The following CADPS2 variants were observed in gnomAD, a reference collection of about 807,000 sequenced individuals.
The protein encoded by CADPS2 is calcium dependent secretion activator 2.
In CADPS2, 93 loss-of-function variants were observed where a neutral mutation model predicts 172.5. The observed-to-expected ratio is 0.54, with a 90% confidence interval of 0.46 to 0.64. The LOEUF is 0.64. Among genes scored for constraint, CADPS2 ranks in the 30% least tolerant of loss-of-function variants. The pLI is 0.00. For missense variants in CADPS2, 1,420 were observed against 1,565.9 expected (o/e 0.91, Z 1.57); for synonymous variants, 546 against 555.2 (o/e 0.98, Z 0.23).
At chr7:122,811,310 G>A (rs1799972330) in intron 1 of CADPS2, among the ~76,000 whole-genome samples, 1 of 152,206 alleles carries the variant, frequency 6.6e-6, no homozygotes, top group Admixed American at 6.5e-5. Flanking sequence ...TGCCTTCCAA[G>A]TTAATCTGGA....
At chr7:122,665,638 T>G (rs1480681912) in intron 2 of CADPS2, among the ~76,000 whole-genome samples, 1 of 152,200 alleles carries the variant, frequency 6.6e-6, no homozygotes, top group Non-Finnish European at 1.5e-5. Flanking sequence ...ATGTAATTTG[T>G]CAAATATTAT....
intron 2 of CADPS2, among the ~76,000 whole-genome samples, chr7:122,674,732 C>CCAA (rs1233965505): frequency 6.6e-6 from 1 of 152,180 alleles, no homozygotes. Context: ...ACATTATCTG[C>CCAA]TTGCCAAATC....
At chr7:122,856,153 T>C (rs1258415788) in intron 1 of CADPS2, among the ~76,000 whole-genome samples, 1 of 152,162 alleles carries the variant, frequency 6.6e-6, no homozygotes, top group Non-Finnish European at 1.5e-5. Context: ...TGCTTTATGA[T>C]GGTGTCACTG....
rs141138236 is a variant in CADPS2, at chr7:122,869,351, C to A, written c.339+16648G>T. ...GCATAAGAAAGTGACTTGTTACATA[C>A]AAAGGAACTTCTATAACACTACTAG... On this transcript the variant is annotated intron_variant, in intron 1 of 29. Transcript: ENST00000449022. Among the ~76,000 whole-genome samples the A allele has an allele frequency of 6.0e-3, 911 of 152,106 alleles. 10 individuals are homozygous for A. The highest frequency in any genetic ancestry group is 0.021 in the African/African-American group (874 of 41,508).
chr7:122,373,020 T>A (rs752223079), intron 25 of CADPS2, among the ~76,000 whole-genome samples: 22 of 152,366 alleles, frequency 1.4e-4, no homozygotes, highest in Non-Finnish European at 2.4e-4. Context: ...TTATGCAAAC[T>A]ACTTTATTCT....
intron 17 of CADPS2, among the ~76,000 whole-genome samples, chr7:122,424,892 T>C (rs1279546630): frequency 6.6e-6 from 1 of 152,212 alleles, no homozygotes; most frequent in African/African-American, 2.4e-5. Context: ...TCTGGATAGC[T>C]CTGGATATAA....
At chr7:122,544,293 G>A (rs1036932236) in intron 8 of CADPS2, among the ~76,000 whole-genome samples, 4 of 152,028 alleles carry the variant, frequency 2.6e-5, no homozygotes, top group African/African-American at 9.7e-5. Flanking sequence ...CATACATCAT[G>A]GGCTAAGGAT....
chr7:122,427,799 G>C (rs1055135424), intron 17 of CADPS2, among the ~76,000 whole-genome samples: 3 of 151,756 alleles, frequency 2.0e-5, no homozygotes, highest in African/African-American at 4.8e-5. Flanking sequence ...AATTTATCAA[G>C]TTCTTTAAAA....
At chr7:122,651,157 G>T (rs2079108844) in intron 3 of CADPS2, among the ~76,000 whole-genome samples, 1 of 151,550 alleles carries the variant, frequency 6.6e-6, no homozygotes, top group African/African-American at 2.4e-5. Flanking sequence ...ATTTTGAAAG[G>T]TATCCAATGT....
At chr7:122,783,876 G>A (rs1403525085) in intron 1 of CADPS2, among the ~76,000 whole-genome samples, 3 of 152,158 alleles carry the variant, frequency 2.0e-5, no homozygotes, top group Admixed American at 6.5e-5. Flanking sequence ...TAAGGATTAG[G>A]ATGCCTTCGA....
chr7:122,388,348 T>C (rs2043941444), intron 23 of CADPS2, among the ~76,000 whole-genome samples: 1 of 151,894 alleles, frequency 6.6e-6, no homozygotes, highest in African/African-American at 2.4e-5. Flanking sequence ...ATTAATATGG[T>C]ATAGATGTTA....
chr7:122,361,147 T>G, intron 25 of CADPS2, 134 bp from the exon 26 acceptor site: 1 of 669,612 alleles, frequency 1.5e-6, no homozygotes, highest in South Asian at 1.9e-5. Flanking sequence ...GAGGTCAGAC[T>G]AACTTGTGAT....
intron 17 of CADPS2, among the ~76,000 whole-genome samples, chr7:122,425,694 C>A (rs897045793): frequency 5.3e-5 from 8 of 152,034 alleles, no homozygotes; most frequent in Non-Finnish European, 1.0e-4. Flanking sequence ...GATGAATAGT[C>A]CCCTCCCTGG....
intron 3 of CADPS2, among the ~76,000 whole-genome samples, chr7:122,657,875 C>T (rs1438678506): frequency 6.6e-6 from 1 of 152,084 alleles, no homozygotes. Flanking sequence ...AGAGGGCATC[C>T]CTGTCTTGTG....
chr7:122,420,951 C>T (rs1185437685), intron 17 of CADPS2: 1 of 152,160 alleles, frequency 6.6e-6, no homozygotes. Flanking sequence ...GACAGCTCGA[C>T]TGTTTGCTTT....
Position 122,320,067 on chromosome 7 carries a change from G to T in CADPS2, c.*98C>A. On this transcript the variant is annotated 3_prime_UTR_variant, in exon 30 of 30. Transcript: ENST00000449022. The stretch of plus-strand genomic sequence containing the variant: ...AAAGAAATACAAGCATTTTTATTTG[G>T]CCAAAACAAACAATGAATGTAATTA... 1.7e-6 allele frequency: 2 copies of T among 1,197,504 alleles called. No homozygotes were observed. The highest frequency in any genetic ancestry group is 2.2e-6 in the Non-Finnish European group (2 of 914,478). 74.2% of individuals were successfully genotyped at this position (1,197,504 alleles called of 1,614,324 possible).
chr7:122,324,631 G>T (rs535562259), intron 29 of CADPS2, among the ~76,000 whole-genome samples: 7 of 152,090 alleles, frequency 4.6e-5, no homozygotes, highest in Non-Finnish European at 8.8e-5. Context: ...CATTATGTGT[G>T]TGGGTACATA....
At chr7:122,767,846 T>C (rs1562967828) in intron 1 of CADPS2, among the ~76,000 whole-genome samples, 1 of 152,212 alleles carries the variant, frequency 6.6e-6, no homozygotes, top group Non-Finnish European at 1.5e-5. Context: ...AGAACGTAGA[T>C]GATCTGCATT....
chr7:122,688,823 C>A (rs2083961389), intron 2 of CADPS2, among the ~76,000 whole-genome samples: 1 of 152,158 alleles, frequency 6.6e-6, no homozygotes, highest in African/African-American at 2.4e-5. Flanking sequence ...CTGTCCTTGA[C>A]AAAAGCACAG....
Sources: gnomAD v4.1 joint callset for allele counts (sites outside exome capture counted in the v4.1 genomes callset) on GRCh38, gnomAD v4.1.1 for gene constraint, MANE v1.5 for transcripts, NCBI Gene and HGNC (gene_info 2026-07-23, HGNC 2026-07-21) for gene names.